IMMP2L: variants seen among roughly 807,000 people sequenced by gnomAD.
The protein encoded by IMMP2L is mitochondrial inner membrane protease subunit 2.
In IMMP2L, 18 loss-of-function variants were observed where a neutral mutation model predicts 19.3. The observed-to-expected ratio is 0.93, with a 90% CI of 0.64 to 1.38. The LOEUF (loss-of-function observed/expected upper bound fraction) is 1.38, where lower values mean the gene tolerates loss of function less well. IMMP2L is among the 40% of genes most tolerant of loss of function. The pLI, the probability that IMMP2L is intolerant of heterozygous loss-of-function variation, is 0.00. For missense variants in IMMP2L, 233 were observed against 218.2 expected (o/e 1.07, Z -0.43); for synonymous variants, 76 against 73.0 (o/e 1.04, Z -0.21).
chr7:110,913,403 C>G (rs1398578579), intron 4 of IMMP2L, among the ~76,000 whole-genome samples: 1 of 151,542 alleles, frequency 6.6e-6, no homozygotes, highest in African/African-American at 2.4e-5. Flanking sequence ...TATATAAGAG[C>G]AGAAAGGGGT....
chr7:111,439,251 T>C (rs1837484570), intron 3 of IMMP2L, among the ~76,000 whole-genome samples: 1 of 151,842 alleles, frequency 6.6e-6, no homozygotes, highest in Non-Finnish European at 1.5e-5. Context: ...CAATCCTCCC[T>C]TCCAATCTCT....
At chr7:110,670,465 A>C (rs370207227) in intron 5 of IMMP2L, among the ~76,000 whole-genome samples, 4 of 152,108 alleles carry the variant, frequency 2.6e-5, no homozygotes, top group African/African-American at 9.7e-5. Context: ...CGAGGTGGAC[A>C]GATCACTTGA....
rs369484120 is a variant in IMMP2L, at chr7:111,235,554, T to C, written c.239+251684A>G. Among the ~76,000 whole-genome samples the C allele has an allele frequency of 1.6e-4, 25 of 152,240 alleles. 2 individuals carry two copies. The East Asian group carries it at 2.1e-3, about 13-fold the overall frequency. The stretch of plus-strand genomic sequence containing the variant: ...ATTCTACTGCCTCTGTGTTGCACTG[T>C]TTCCAAAGCAAAGACTCTTAACCAT... On this transcript the variant is annotated intron_variant, in intron 3 of 5. Coordinates refer to ENST00000405709, the MANE Select transcript of IMMP2L (RefSeq NM_032549.4).
intron 4 of IMMP2L, 105 bp downstream of exon 4, chr7:110,963,395 C>T: frequency 2.7e-6 from 2 of 749,282 alleles, no homozygotes; most frequent in Non-Finnish European, 4.4e-6. Context: ...GGAATGTCTC[C>T]AAAACTTTGG....
chr7:110,999,719 TC>T (rs1339820051), intron 3 of IMMP2L, among the ~76,000 whole-genome samples: 2 of 152,104 alleles, frequency 1.3e-5, no homozygotes, highest in Non-Finnish European at 2.9e-5. Context: ...TTACTGGGTC[TC>T]CCCATAGGCC....
At chr7:110,886,799 C>G (rs912764715) in intron 4 of IMMP2L, 104 bp from the exon 5 acceptor site, 27 of 535,828 alleles carry the variant, frequency 5.0e-5, no homozygotes, top group Admixed American at 1.7e-4. Context: ...ATGTTACAGA[C>G]AGGTTAACCA....
chr7:110,951,233 C>T (rs891828718), intron 4 of IMMP2L, among the ~76,000 whole-genome samples: 6 of 151,744 alleles, frequency 4.0e-5, no homozygotes, highest in Non-Finnish European at 8.8e-5. Flanking sequence ...TACTGTATTG[C>T]ACATTTAAAA....
At chr7:110,769,222 T>C (rs945855081) in intron 5 of IMMP2L, among the ~76,000 whole-genome samples, 1 of 152,194 alleles carries the variant, frequency 6.6e-6, no homozygotes, top group Non-Finnish European at 1.5e-5. Flanking sequence ...TTGTATTTGT[T>C]CTTTCCTGGT....
intron 3 of IMMP2L, among the ~76,000 whole-genome samples, chr7:111,404,150 T>A (rs1255968097): frequency 6.6e-6 from 1 of 152,092 alleles, no homozygotes; most frequent in East Asian, 1.9e-4. Context: ...GTCAATCCAT[T>A]TTTTATATAT....
At chr7:111,144,387 A>AC (rs2129599781) in intron 3 of IMMP2L, among the ~76,000 whole-genome samples, 1 of 152,256 alleles carries the variant, frequency 6.6e-6, no homozygotes, top group African/African-American at 2.4e-5. Context: ...TGTGGATCTT[A>AC]GAGTTCGAAA....
At position 110,924,254 on chromosome 7, in the gene IMMP2L, A is replaced by G. The variant is rs985792637; in HGVS notation, c.306-37559T>C. Among the ~76,000 whole-genome samples the G allele has an allele frequency of 6.6e-6, 1 of 152,172 alleles. No individual in the cohort carries two copies. Among genetic ancestry groups the G allele is most frequent in the Non-Finnish European group, 1.5e-5 (1 of 68,018 alleles). On this transcript the variant is annotated intron_variant, in intron 4 of 5. Transcript: ENST00000405709. This position sits in a 1 kb window ranked among gnomAD's most constrained non-coding sequence, Gnocchi z 4.2. ...GTGTGTCTTTAATTTCCTTTATTAC[A>G]GCAAAATTGAGAAGAGGCTTCTGGT...
chr7:110,946,781 C>T (rs1041401870), intron 4 of IMMP2L, among the ~76,000 whole-genome samples: 12 of 127,558 alleles, frequency 9.4e-5, no homozygotes, highest in South Asian at 2.4e-4. Flanking sequence ...AGTGCAGTGG[C>T]GCAATCTCGA....
chr7:111,393,526 T>C (rs1832587961), intron 3 of IMMP2L, among the ~76,000 whole-genome samples: 1 of 152,190 alleles, frequency 6.6e-6, no homozygotes, highest in Non-Finnish European at 1.5e-5. Context: ...TCAGGGAATA[T>C]CTGCAGTCTG....
intron 5 of IMMP2L, among the ~76,000 whole-genome samples, chr7:110,817,561 C>T (rs1802641824): frequency 6.6e-6 from 1 of 152,056 alleles, no homozygotes; most frequent in Non-Finnish European, 1.5e-5. Context: ...AGATTCCATG[C>T]CATCCCCGTC....
At chr7:110,964,131 C>A in intron 3 of IMMP2L, among the ~76,000 whole-genome samples, 1 of 151,998 alleles carries the variant, frequency 6.6e-6, no homozygotes, top group South Asian at 2.1e-4. Flanking sequence ...GCTACGATTG[C>A]AAGTTTCCTG....
chr7:110,747,657 A>C (rs972363623), intron 5 of IMMP2L, among the ~76,000 whole-genome samples: 2 of 152,246 alleles, frequency 1.3e-5, no homozygotes, highest in Non-Finnish European at 2.9e-5. Flanking sequence ...CCACATGATT[A>C]TATCAATAGA....
At chr7:110,751,906 C>T (rs955100937) in intron 5 of IMMP2L, among the ~76,000 whole-genome samples, 5 of 152,030 alleles carry the variant, frequency 3.3e-5, no homozygotes, top group South Asian at 4.1e-4. Flanking sequence ...CTTTAACTTC[C>T]GAGTGGTTCT....
intron 5 of IMMP2L, among the ~76,000 whole-genome samples, chr7:110,705,914 G>C (rs909507964): frequency 6.6e-6 from 1 of 151,966 alleles, no homozygotes; most frequent in African/African-American, 2.4e-5. Flanking sequence ...TTATGGCTGC[G>C]TAGTATTCCA....
At chr7:111,316,845 CTTTTTTT>C (rs869155077) in intron 3 of IMMP2L, among the ~76,000 whole-genome samples, 2 of 75,898 alleles carry the variant, frequency 2.6e-5, no homozygotes, top group African/African-American at 4.9e-5. Flanking sequence ...TTTTTTTTTT[CTTTTTTT>C]TTTTTTTTTT....
Sources: allele counts gnomAD v4.1 joint callset (sites outside exome capture counted in the v4.1 genomes callset), GRCh38; gene constraint gnomAD v4.1.1; non-coding constraint Gnocchi (gnomAD v3.1); transcripts MANE v1.5; gene names NCBI Gene and HGNC (gene_info 2026-07-23, HGNC 2026-07-21).